The following RPTOR variants were observed in gnomAD, a reference collection of about 807,000 sequenced individuals.
The protein encoded by RPTOR is regulatory-associated protein of mTOR.
RPTOR carries 21 observed loss-of-function variants against 169.9 expected under a neutral mutation model. The observed-to-expected ratio is 0.12, with a 90% CI of 0.09 to 0.18. The LOEUF is 0.18. Ranked by LOEUF, RPTOR falls within the 10% of genes least tolerant of loss-of-function variation. RPTOR has a pLI of 1.00. For missense variants in RPTOR, 1,133 were observed against 1,855.9 expected (o/e 0.61, Z 7.16); for synonymous variants, 732 against 753.2 (o/e 0.97, Z 0.46).
chr17:80,908,325 C>CCAGT (rs1250861025), intron 20 of RPTOR, among the ~76,000 whole-genome samples: 1 of 152,168 alleles, frequency 6.6e-6, no homozygotes, highest in African/African-American at 2.4e-5. Context: ...CAGAGCAGGG[C>CCAGT]CAGTGCCTGG....
intron 1 of RPTOR, among the ~76,000 whole-genome samples, chr17:80,554,643 C>G (rs1056013458): frequency 1.3e-5 from 2 of 152,038 alleles, no homozygotes; most frequent in African/African-American, 4.8e-5. Flanking sequence ...ACTTGGGAGG[C>G]TGAGGCAGGA....
intron 9 of RPTOR, among the ~76,000 whole-genome samples, chr17:80,834,628 G>A (rs908303264): frequency 1.3e-5 from 2 of 152,320 alleles, no homozygotes; most frequent in South Asian, 2.1e-4. Context: ...CATGGGTCAC[G>A]TGTCCGAGAG....
chr17:80,837,264 C>A (rs1416834054), intron 9 of RPTOR, among the ~76,000 whole-genome samples: 1 of 152,066 alleles, frequency 6.6e-6, no homozygotes. Flanking sequence ...TGGTAGGAGA[C>A]CCCAGACTGC....
intron 12 of RPTOR, among the ~76,000 whole-genome samples, chr17:80,856,364 G>A (rs1373100415): frequency 6.6e-6 from 1 of 152,194 alleles, no homozygotes; most frequent in South Asian, 2.1e-4. Flanking sequence ...TGACATATGA[G>A]CCTTAATTTA....
rs2066656852 is a variant in RPTOR at position 80,754,115 on chromosome 17, A to G, written c.760A>G (p.Met254Val). 6.2e-7 allele frequency: 1 copy of G among 1,613,912 alleles called. No homozygotes were observed. Among genetic ancestry groups the G allele is most frequent in the Non-Finnish European group, 8.5e-7 (1 of 1,180,020 alleles). ...CTGCGAGGCCACCGAGCTGCTGCCCATGATCCCCGACCTCCCGGCTGACCT... is the reference window on the plus strand; with the variant it reads ...CTGCGAGGCCACCGAGCTGCTGCCCGTGATCCCCGACCTCCCGGCTGACCT... Reference protein sequence around the residue: ...AACEATELLPMIPDLPADLFT... With the variant: ...AACEATELLPVIPDLPADLFT... Residue 254 changes from methionine to valine, a missense_variant, in exon 6 of 34, where the codon ATG (methionine) becomes GTG (valine). Transcript: ENST00000306801. This position sits in a 1 kb window ranked among gnomAD's most constrained non-coding sequence, Gnocchi z 4.2.
chr17:80,837,249 A>T (rs1415961011), intron 9 of RPTOR, among the ~76,000 whole-genome samples: 1 of 152,084 alleles, frequency 6.6e-6, no homozygotes, highest in Admixed American at 6.5e-5. Context: ...GAGCAGCTCT[A>T]TGCATGGTAG....
intron 1 of RPTOR, among the ~76,000 whole-genome samples, chr17:80,561,613 T>C (rs2084496720): frequency 6.6e-6 from 1 of 151,648 alleles, no homozygotes; most frequent in East Asian, 1.9e-4. Flanking sequence ...TGTATTTTTT[T>C]GTAGAAACAG....
chr17:80,894,500 T>A (rs749434293), intron 20 of RPTOR, among the ~76,000 whole-genome samples: 33 of 152,212 alleles, frequency 2.2e-4, no homozygotes, highest in African/African-American at 7.7e-4. Flanking sequence ...CTTCTCTTGT[T>A]CTGCCATGAA....
intron 4 of RPTOR, among the ~76,000 whole-genome samples, chr17:80,714,868 C>T (rs919587456): frequency 8.5e-5 from 13 of 152,190 alleles, no homozygotes; most frequent in African/African-American, 2.9e-4. Context: ...GGATTACAGG[C>T]GTCCACCACC....
intron 20 of RPTOR, among the ~76,000 whole-genome samples, chr17:80,903,486 G>A (rs1299326880): frequency 1.3e-5 from 2 of 152,334 alleles, no homozygotes; most frequent in African/African-American, 2.4e-5. Flanking sequence ...CATTGCGGCC[G>A]GCTGCACTGC....
At chr17:80,882,805 C>T (rs1391747452) in intron 14 of RPTOR, among the ~76,000 whole-genome samples, 1 of 152,208 alleles carries the variant, frequency 6.6e-6, no homozygotes, top group Non-Finnish European at 1.5e-5. Context: ...GACTCAGGTA[C>T]CCTGGGAGCC....
intron 6 of RPTOR, chr17:80,773,934 C>A (rs918692924): frequency 1.0e-6 from 1 of 984,432 alleles, no homozygotes; most frequent in African/African-American, 1.8e-5. Context: ...CAGGGCTATG[C>A]GGCCTGCCCT....
chr17:80,679,513 C>A (rs553804523), intron 3 of RPTOR, among the ~76,000 whole-genome samples: 1 of 152,256 alleles, frequency 6.6e-6, no homozygotes, highest in African/African-American at 2.4e-5. Context: ...TTTACAGGCC[C>A]GTTTGAATGC....
intron 9 of RPTOR, among the ~76,000 whole-genome samples, chr17:80,828,576 T>C (rs1474841630): frequency 6.6e-6 from 1 of 152,230 alleles, no homozygotes; most frequent in Non-Finnish European, 1.5e-5. Flanking sequence ...TTACGGCCTT[T>C]ACAGTGCTGG....
In RPTOR at chr17:80,562,898, T is replaced by C. The variant is rs1177598789; in HGVS notation, c.162+17107T>C. Among the ~76,000 whole-genome samples, 1 of 152,266 alleles carries C rather than the reference T, an allele frequency of 6.6e-6. No individual in the cohort carries two copies. The highest frequency in any genetic ancestry group is 2.4e-5 in the African/African-American group (1 of 41,468). On this transcript the variant is annotated intron_variant, in intron 1 of 33. Coordinates refer to ENST00000306801, the MANE Select transcript of RPTOR (RefSeq NM_020761.3). The surrounding 1 kb of genome is among the most constrained non-coding windows in gnomAD (Gnocchi z 4.4). ...TCCTGCATTTTCTGTAAGTCCTTGC[T>C]GAGGTCCAGATTTAGTTTTCAGCTA...
intron 3 of RPTOR, among the ~76,000 whole-genome samples, chr17:80,662,518 T>C (rs980497853): frequency 4.0e-5 from 6 of 151,292 alleles, no homozygotes; most frequent in Admixed American, 4.0e-4. Context: ...GAAAATGGTC[T>C]TCTGCACTGA....
At chr17:80,853,412 G>A (rs549823302) in intron 11 of RPTOR, among the ~76,000 whole-genome samples, 1 of 152,282 alleles carries the variant, frequency 6.6e-6, no homozygotes, top group Non-Finnish European at 1.5e-5. Flanking sequence ...GCGAGGCCAG[G>A]TCAGGGGCTC....
At chr17:80,566,617 G>A (rs1401722757) in intron 1 of RPTOR, among the ~76,000 whole-genome samples, 5 of 151,536 alleles carry the variant, frequency 3.3e-5, no homozygotes, top group African/African-American at 4.8e-5. Flanking sequence ...TCAGGAGATC[G>A]AGATCATCCT....
rs1240313663 is a variant in RPTOR at position 80,936,652 on chromosome 17, G to A, written c.2920-3844G>A. Among the ~76,000 whole-genome samples the A allele has an allele frequency of 6.6e-6, 1 of 152,184 alleles. No homozygotes were observed. Among genetic ancestry groups the A allele is most frequent in the Non-Finnish European group, 1.5e-5 (1 of 68,030 alleles). On this transcript the variant is annotated intron_variant, in intron 24 of 33. Coordinates refer to ENST00000306801, the MANE Select transcript of RPTOR (RefSeq NM_020761.3). The surrounding 1 kb of genome is among the most constrained non-coding windows in gnomAD (Gnocchi z 4.1). The stretch of plus-strand genomic sequence containing the variant: ...ATTCCAGGGAAGGCAAAACTGTGTG[G>A]AACTGTTCTATATCTTCCACATTTA...
Sources: gnomAD v4.1 joint callset for allele counts (sites outside exome capture counted in the v4.1 genomes callset) on GRCh38, gnomAD v4.1.1 for gene constraint, Gnocchi (gnomAD v3.1) non-coding constraint, MANE v1.5 for transcripts, NCBI Gene and HGNC (gene_info 2026-07-23, HGNC 2026-07-21) for gene names.